The following SETD2 variants were observed in gnomAD, a reference collection of about 807,000 sequenced individuals.
SETD2 encodes the protein histone-lysine N-methyltransferase SETD2.
In SETD2, 31 loss-of-function variants were observed where a neutral mutation model predicts 242.1. That is an observed-to-expected ratio of 0.13 (90% confidence interval 0.10 to 0.17). The LOEUF (loss-of-function observed/expected upper bound fraction) is 0.17. SETD2 is among the 10% of genes least tolerant of loss of function. The pLI is 1.00. For synonymous variants in SETD2, 1,006 were observed against 1,066.5 expected, an observed-to-expected ratio of 0.94 and a Z score of 1.11; for missense variants, 2,481 against 3,046.3, an observed-to-expected ratio of 0.81 and a Z score of 4.37.
chr3:47,161,847 G>A (rs1415940944), intron 1 of SETD2, among the ~76,000 whole-genome samples: 1 of 151,058 alleles, frequency 6.6e-6, no homozygotes, highest in Non-Finnish European at 1.5e-5. Flanking sequence ...GAGGTTCAAG[G>A]ATGCAATGAG....
chr3:47,087,331 A>G (rs917068350), intron 10 of SETD2, among the ~76,000 whole-genome samples: 5 of 152,258 alleles, frequency 3.3e-5, no homozygotes, highest in Middle Eastern at 6.8e-3. Context: ...TAATTTTTCA[A>G]CAAACTGGGT....
At chr3:47,161,825 T>C (rs1697494902) in intron 1 of SETD2, among the ~76,000 whole-genome samples, 1 of 151,018 alleles carries the variant, frequency 6.6e-6, no homozygotes, top group Non-Finnish European at 1.5e-5. Flanking sequence ...GCAGGAGGAC[T>C]GCTTAAGCCC....
chr3:47,095,573 T>A (rs371076554), intron 9 of SETD2, among the ~76,000 whole-genome samples: 97 of 152,240 alleles, frequency 6.4e-4, no homozygotes, highest in Middle Eastern at 3.4e-3. Context: ...AAATGTCCGG[T>A]AGTCAAGTGA....
At position 47,017,337 on chromosome 3, in the gene SETD2, G is replaced by C. The variant is rs1016991030; in HGVS notation, c.7534-83C>G. On this transcript the variant is annotated intron_variant, in intron 20 of 20. Coordinates refer to ENST00000409792, the MANE Select transcript of SETD2 (RefSeq NM_014159.7). This position sits in a 1 kb window ranked among gnomAD's most constrained non-coding sequence, Gnocchi z 4.8. ...GGGGGAGGACAGGGGTGGTAATCCA[G>C]CCTGCTGCTTCAGGGCCCTTCTCAC... The C allele has an allele frequency of 1.2e-5, 17 of 1,473,798 alleles. No homozygotes were observed. The African/African-American group carries it at 1.8e-4, about 16-fold the overall frequency. The allele number at this position is 1,473,798 out of a possible 1,614,324, so 91.3% of individuals were successfully genotyped here. A position where few individuals can be genotyped will look rare whatever the true frequency, so the allele number is the denominator to read the frequency against.
chr3:47,164,285 G>A (rs1289849433), upstream of SETD2, among the ~76,000 whole-genome samples: 1 of 152,184 alleles, frequency 6.6e-6, no homozygotes, highest in Admixed American at 6.5e-5. This position sits in a 1 kb window ranked among gnomAD's most constrained non-coding sequence, Gnocchi z 5.4. Flanking sequence ...CTGCCCGGCG[G>A]GTCCAGGCCG....
intron 1 of SETD2, among the ~76,000 whole-genome samples, chr3:47,128,492 A>C (rs973147521): frequency 6.6e-6 from 1 of 152,268 alleles, no homozygotes; most frequent in Non-Finnish European, 1.5e-5. Flanking sequence ...GAAAGGAAAC[A>C]TATAAAACCC....
chr3:47,099,506 T>C (rs777231940), intron 8 of SETD2, among the ~76,000 whole-genome samples: 1 of 152,186 alleles, frequency 6.6e-6, no homozygotes, highest in Non-Finnish European at 1.5e-5. Context: ...GAGGCACACA[T>C]TAGTTGTCTT....
chr3:47,017,753 A>G lies in SETD2; in HGVS notation c.7432-14T>C. On this transcript the variant is annotated splice_polypyrimidine_tract_variant and intron_variant, in intron 19 of 20. Coordinates refer to ENST00000409792, the MANE Select transcript of SETD2 (RefSeq NM_014159.7). The surrounding 1 kb of genome is among the most constrained non-coding windows in gnomAD (Gnocchi z 4.8). Reference sequence around the variant, plus strand: ...GAACTGGGACATCTGCAGGCAGAGAAAAGAGAACACGTTGCTCAACAGTCC... The same window carrying G: ...GAACTGGGACATCTGCAGGCAGAGAGAAGAGAACACGTTGCTCAACAGTCC... 6.3e-7 allele frequency: 1 copy of G among 1,589,918 alleles called. No homozygotes were observed. Among genetic ancestry groups the G allele is most frequent in the Non-Finnish European group, 8.6e-7 (1 of 1,157,914 alleles).
chr3:47,017,079 C>T lies in SETD2; in HGVS notation c.*14G>A, dbSNP rs1377090652. 1 of 1,613,642 alleles carries T rather than the reference C, an allele frequency of 6.2e-7. No individual in the cohort carries two copies. The highest frequency in any genetic ancestry group is 2.2e-5 in the East Asian group (1 of 44,880). On this transcript the variant is annotated 3_prime_UTR_variant, in exon 21 of 21. Coordinates refer to ENST00000409792, the MANE Select transcript of SETD2 (RefSeq NM_014159.7). This position sits in a 1 kb window ranked among gnomAD's most constrained non-coding sequence, Gnocchi z 4.8. ...TCTTACCTGACCACCCATCCTCCCA[C>T]CCTGGCCCAACAGTCACTCTAATTC...
chr3:47,027,336 CAAAA>C (rs145911577), intron 18 of SETD2, among the ~76,000 whole-genome samples: 2 of 103,734 alleles, frequency 1.9e-5, no homozygotes, highest in Non-Finnish European at 3.5e-5. Context: ...GACTCCATCT[CAAAA>C]AAAAAAAAAA....
In SETD2 at chr3:47,071,960, A is replaced by C. The variant is rs368685188; in HGVS notation, c.6061-4842T>G. Among the ~76,000 whole-genome samples the C allele has an allele frequency of 1.7e-4, 26 of 152,198 alleles. 1 individual carries two copies. The highest frequency in any genetic ancestry group is 1.2e-3 in the East Asian group (6 of 5,200). ...AATTTATAAGAAATCTTTTTCTGAC[A>C]AGAAAAAGGTTACCACTGGTTTAGA... On this transcript the variant is annotated intron_variant, in intron 12 of 20. Transcript: ENST00000409792.
chr3:47,096,853 T>C (rs767606783), intron 9 of SETD2, among the ~76,000 whole-genome samples: 1 of 152,190 alleles, frequency 6.6e-6, no homozygotes, highest in Non-Finnish European at 1.5e-5. Context: ...TTTGTTCATG[T>C]TGGGTGGTGG....
rs2106683127 is a variant in SETD2, at chr3:47,122,620, A to G, written c.2016T>C (p.Asn672=). The G allele has an allele frequency of 6.2e-7, 1 of 1,614,020 alleles. No homozygotes were observed. The highest frequency in any genetic ancestry group is 8.5e-7 in the Non-Finnish European group (1 of 1,179,906). Residue 672 remains asparagine (N), a synonymous_variant, in exon 3 of 21, where the codon AAT becomes AAC. Transcript: ENST00000409792. ...ATTCTGCCCCAGGAGATCCATTTAT[A>G]TTTAATTCTATGGGACAAAAACTTC... The part of the protein sequence containing the change: ...QLRSFCPIEL[N]INGSPGAESD...
intron 8 of SETD2, 78 bp downstream of exon 8, chr3:47,101,375 TTTATA>T (rs2042205553): frequency 2.7e-6 from 2 of 751,310 alleles, no homozygotes; most frequent in East Asian, 5.0e-5. Context: ...TTTTAAGTAA[TTTATA>T]TTAAAGTTTT....
At chr3:47,151,210 G>A (rs2106824536) in intron 1 of SETD2, among the ~76,000 whole-genome samples, 1 of 152,006 alleles carries the variant, frequency 6.6e-6, no homozygotes, top group Non-Finnish European at 1.5e-5. Flanking sequence ...AAACCAAACA[G>A]GTCTAATGAG....
At chr3:47,040,569 ATTTTTTT>A (rs34309892) in intron 17 of SETD2, among the ~76,000 whole-genome samples, 15 of 91,720 alleles carry the variant, frequency 1.6e-4, no homozygotes, top group Non-Finnish European at 3.0e-4. Context: ...AGGGAAAAGG[ATTTTTTT>A]TTTTTTTTTT....
At chr3:47,048,688 A>C (rs1289687478) in intron 15 of SETD2, among the ~76,000 whole-genome samples, 1 of 152,032 alleles carries the variant, frequency 6.6e-6, no homozygotes, top group African/African-American at 2.4e-5. Flanking sequence ...CTGTATAAAC[A>C]ACCCTCCTCC....
intron 7 of SETD2, among the ~76,000 whole-genome samples, 157 bp downstream of exon 7, chr3:47,103,189 A>G (rs2042281949): frequency 1.3e-5 from 2 of 152,236 alleles, no homozygotes; most frequent in Non-Finnish European, 2.9e-5. Flanking sequence ...ATTCCTATAA[A>G]TCTAAACCTA....
chr3:47,100,323 C>T (rs111615218), intron 8 of SETD2, among the ~76,000 whole-genome samples: 28 of 151,878 alleles, frequency 1.8e-4, no homozygotes, highest in African/African-American at 6.8e-4. Context: ...TGCAACAGCA[C>T]GATTTCAGCT....
Sources: gnomAD v4.1 joint callset for allele counts (sites outside exome capture counted in the v4.1 genomes callset) on GRCh38, gnomAD v4.1.1 for gene constraint, Gnocchi (gnomAD v3.1) non-coding constraint, MANE v1.5 for transcripts, NCBI Gene and HGNC (gene_info 2026-07-23, HGNC 2026-07-21) for gene names.